Variants in ASXL2 observed in about 807,000 individuals in gnomAD.
ASXL2 encodes the protein ASXL transcriptional regulator 2.
Under a neutral mutation model 122.0 loss-of-function variants are expected in ASXL2, and 23 were observed. The ratio of observed to expected loss-of-function variants is 0.19; its 90% CI spans 0.14 to 0.27. The LOEUF (loss-of-function observed/expected upper bound fraction) is 0.27, where lower values mean the gene tolerates loss of function less well. Ranked by LOEUF, ASXL2 falls within the 10% of genes least tolerant of loss-of-function variation. The pLI is 1.00. For missense variants in ASXL2, 1,518 were observed against 1,713.8 expected (o/e 0.89, Z 2.02); for synonymous variants, 650 against 637.0 (o/e 1.02, Z -0.31).
intron 5 of ASXL2, among the ~76,000 whole-genome samples, chr2:25,779,644 T>C (rs1276445770): frequency 6.6e-6 from 1 of 152,184 alleles, no homozygotes; most frequent in Non-Finnish European, 1.5e-5. Context: ...GTCTACGTCA[T>C]TATGCCACAA....
At chr2:25,806,390 C>T (rs1327070307) in intron 3 of ASXL2, 53 bp from the exon 4 acceptor site, 1 of 1,222,822 alleles carries the variant, frequency 8.2e-7, no homozygotes, top group Non-Finnish European at 1.2e-6. Flanking sequence ...ATTTCTGTCT[C>T]TGAATATCCT....
At chr2:25,809,136 A>G (rs2089128161) in intron 3 of ASXL2, among the ~76,000 whole-genome samples, 1 of 152,064 alleles carries the variant, frequency 6.6e-6, no homozygotes, top group African/African-American at 2.4e-5. Context: ...TGGCTAAATC[A>G]GTGGCAAAAC....
Position 25,750,367 on chromosome 2 carries a change from T to C in ASXL2, c.1189A>G (p.Ser397Gly). 1 of 1,610,298 alleles carries C rather than the reference T, an allele frequency of 6.2e-7. No individual in the cohort carries two copies. Among genetic ancestry groups the C allele is most frequent in the Non-Finnish European group, 8.5e-7 (1 of 1,179,034 alleles). ...GGGGTTTTCTTTACTTTGGGATCAC[T>C]GGGAGAAGCTGTCAATTTCTTAGAA... ...EDSKKLTASP[S>G]DPKVKKTPAE... The change falls in exon 12 of 13, where the codon AGT becomes GGT. Residue 397 changes from serine (S) to glycine (G), a missense_variant. This residue lies in a region of ASXL2 where 92 missense variants were observed against 156.6 expected (regional missense o/e 0.59). Coordinates refer to ENST00000435504, the MANE Select transcript of ASXL2 (RefSeq NM_018263.6).
At position 25,849,064 on chromosome 2, in the gene ASXL2, CAT is replaced by C. The variant is rs139200567; in HGVS notation, c.58-3503_58-3502del. On this transcript the variant is annotated intron_variant, in intron 1 of 12. Transcript: ENST00000435504. ...CCGTCTCAAAAAAAAAAAAAATTTA[CAT>C]ATATATATATGGAATATTTATTTTC... 1.4e-4 allele frequency among the ~76,000 whole-genome samples: 12 copies of C among 86,516 alleles called. 1 individual carries two copies. The highest frequency in any genetic ancestry group is 4.2e-4 in the African/African-American group (7 of 16,512). The allele number at this position is 86,516 out of a possible 152,430, so 56.8% of individuals were successfully genotyped here.
At chr2:25,863,660 T>G (rs893983389) in intron 1 of ASXL2, among the ~76,000 whole-genome samples, 1 of 149,540 alleles carries the variant, frequency 6.7e-6, no homozygotes, top group African/African-American at 2.5e-5. Flanking sequence ...GCCACTGCAC[T>G]CCAGCCTCGG....
At chr2:25,800,614 G>C (rs2088981963) in intron 4 of ASXL2, among the ~76,000 whole-genome samples, 1 of 152,176 alleles carries the variant, frequency 6.6e-6, no homozygotes, top group Non-Finnish European at 1.5e-5. Flanking sequence ...CGTCAGCTTA[G>C]CATGTGAGAG....
chr2:25,810,441 A>AGTG (rs1228418203), intron 3 of ASXL2: 8 of 704,360 alleles, frequency 1.1e-5, no homozygotes, highest in African/African-American at 3.5e-5. Context: ...TTTGCAGGGC[A>AGTG]GTGGCCACGT....
At chr2:25,863,052 G>C (rs754901184) in intron 1 of ASXL2, among the ~76,000 whole-genome samples, 1 of 151,872 alleles carries the variant, frequency 6.6e-6, no homozygotes, top group Non-Finnish European at 1.5e-5. Flanking sequence ...GCTCACAGCC[G>C]GGCACAGTGG....
At chr2:25,842,750 A>G (rs1399175527) in intron 2 of ASXL2, among the ~76,000 whole-genome samples, 2 of 149,448 alleles carry the variant, frequency 1.3e-5, no homozygotes, top group East Asian at 3.9e-4. Context: ...ATATGTATGT[A>G]TGTGTGTGCG....
chr2:25,833,132 C>A (rs1038113367), intron 3 of ASXL2, among the ~76,000 whole-genome samples: 1 of 152,118 alleles, frequency 6.6e-6, no homozygotes, highest in African/African-American at 2.4e-5. Context: ...AATCTATACA[C>A]GTGATAAAAC....
At chr2:25,849,996 TGA>T (rs1207165030) in intron 1 of ASXL2, among the ~76,000 whole-genome samples, 1 of 152,184 alleles carries the variant, frequency 6.6e-6, no homozygotes, top group Non-Finnish European at 1.5e-5. Flanking sequence ...ATTCACCAAA[TGA>T]GAGAGAACAT....
intron 1 of ASXL2, among the ~76,000 whole-genome samples, chr2:25,853,209 C>T (rs898414582): frequency 2.0e-5 from 3 of 152,120 alleles, no homozygotes; most frequent in South Asian, 2.1e-4. Flanking sequence ...TCAGAGGATG[C>T]GGTTTCCCTC....
intron 3 of ASXL2, among the ~76,000 whole-genome samples, chr2:25,831,139 G>A (rs1170606940): frequency 6.6e-6 from 1 of 152,032 alleles, no homozygotes. Context: ...GGCCAATGCA[G>A]TGAAACCCTG....
intron 5 of ASXL2, among the ~76,000 whole-genome samples, chr2:25,796,026 CT>C: frequency 6.6e-6 from 1 of 152,220 alleles, no homozygotes; most frequent in Non-Finnish European, 1.5e-5. Context: ...GTCTGGGTAG[CT>C]CTCTAAGTGG....
chr2:25,812,665 T>C (rs1223903523), intron 3 of ASXL2, among the ~76,000 whole-genome samples: 1 of 152,184 alleles, frequency 6.6e-6, no homozygotes, highest in Non-Finnish European at 1.5e-5. Context: ...CAATCCCACT[T>C]GAATCTGTCC....
At chr2:25,851,910 A>T (rs2089720275) in intron 1 of ASXL2, among the ~76,000 whole-genome samples, 1 of 152,172 alleles carries the variant, frequency 6.6e-6, no homozygotes, top group Non-Finnish European at 1.5e-5. Flanking sequence ...AAAAAGAAAG[A>T]AAATGTGCAT....
At chr2:25,845,435 C>G (rs1301610999) in intron 2 of ASXL2, 46 bp downstream of exon 2, 12 of 1,344,230 alleles carry the variant, frequency 8.9e-6, no homozygotes, top group Non-Finnish European at 1.1e-5. Flanking sequence ...ACCAAATACT[C>G]TGATCAAGTA....
At chr2:25,789,504 T>G (rs1203020214) in intron 5 of ASXL2, among the ~76,000 whole-genome samples, 1 of 152,068 alleles carries the variant, frequency 6.6e-6, no homozygotes, top group African/African-American at 2.4e-5. Flanking sequence ...TAGGGCAATA[T>G]TTTGCTCCTT....
chr2:25,799,356 T>C, intron 5 of ASXL2, 29 bp downstream of exon 5: 2 of 1,613,864 alleles, frequency 1.2e-6, no homozygotes, highest in Non-Finnish European at 1.7e-6. Flanking sequence ...CAGCATTTAG[T>C]ACTTTATTGA....
Sources: allele counts gnomAD v4.1 joint callset (sites outside exome capture counted in the v4.1 genomes callset), GRCh38; gene constraint gnomAD v4.1.1; regional missense constraint gnomAD v4.1.1; transcripts MANE v1.5; gene names NCBI Gene and HGNC (gene_info 2026-07-23, HGNC 2026-07-21).